RELN: variants seen among roughly 807,000 people sequenced by gnomAD.
RELN encodes reelin.
In RELN, 108 loss-of-function variants were observed where a neutral mutation model predicts 427.6. The observed-to-expected ratio is 0.25, with a 90% confidence interval of 0.22 to 0.30. RELN has a LOEUF of 0.30. Among genes scored for constraint, RELN ranks in the 10% least tolerant of loss-of-function variants. The probability of loss-of-function intolerance (pLI) is 1.00; values close to 1 mark genes in which losing one functional copy is unlikely to be tolerated. For synonymous variants in RELN, 1,524 were observed against 1,513.4 expected (o/e 1.01, Z -0.16); for missense variants, 3,715 against 4,302.8 (o/e 0.86, Z 3.82).
chr7:103,947,764 G>A (rs751488205), intron 1 of RELN, among the ~76,000 whole-genome samples: 6 of 152,130 alleles, frequency 3.9e-5, no homozygotes, highest in Admixed American at 1.3e-4. Context: ...ATTTCCCAGT[G>A]CAGCTGCAAT....
At chr7:103,653,206 G>A (rs951982788) in intron 13 of RELN, among the ~76,000 whole-genome samples, 5 of 152,070 alleles carry the variant, frequency 3.3e-5, no homozygotes, top group African/African-American at 4.8e-5. Context: ...GAGCCAATGA[G>A]TCAATGCATT....
In RELN at chr7:103,598,110, A is replaced by T. The variant is rs80298312; in HGVS notation, c.3334-1449T>A. On this transcript the variant is annotated intron_variant, in intron 24 of 64. Coordinates refer to ENST00000428762, the MANE Select transcript of RELN (RefSeq NM_005045.4). The stretch of plus-strand genomic sequence containing the variant: ...TTAAGAAAGGGTTTCGGTTATTAGA[A>T]GTCACAGGGGAAATAACTGGGGTTA... Among the ~76,000 whole-genome samples the T allele has an allele frequency of 7.9e-3, 1,200 of 152,322 alleles. 26 individuals carry two copies. The highest frequency in any genetic ancestry group is 0.028 in the African/African-American group (1,146 of 41,580).
chr7:103,743,511 G>T (rs1470309958), intron 6 of RELN, among the ~76,000 whole-genome samples: 2 of 152,144 alleles, frequency 1.3e-5, no homozygotes, highest in Non-Finnish European at 2.9e-5. Flanking sequence ...CTGTATTCAG[G>T]AAACCCATCT....
At chr7:103,867,908 G>A (rs1794238407) in intron 2 of RELN, among the ~76,000 whole-genome samples, 4 of 152,072 alleles carry the variant, frequency 2.6e-5, no homozygotes, top group African/African-American at 9.6e-5. Flanking sequence ...CCCAGGCAAC[G>A]CTGTGAAGTC....
rs1451685717 is a variant in RELN at position 103,545,320 on chromosome 7, C to G, written c.6327G>C (p.Gln2109His). The G allele has an allele frequency of 1.2e-6, 2 of 1,613,750 alleles. No homozygotes were observed. The highest frequency in any genetic ancestry group is 1.7e-6 in the Non-Finnish European group (2 of 1,179,664). ...GCTGAGAGCCGGCAGGGTAAAATCCCTGGTACCATCTGAAACGGACAGATC... is the reference window on the plus strand; with the variant it reads ...GCTGAGAGCCGGCAGGGTAAAATCCGTGGTACCATCTGAAACGGACAGATC... ...LCGSVRFRWY[Q>H]GFYPAGSQPV... Residue 2109 changes from glutamine (Q) to histidine (H), a missense_variant, in exon 42 of 65, where the codon CAG (glutamine) becomes CAC (histidine). Coordinates refer to ENST00000428762, the MANE Select transcript of RELN (RefSeq NM_005045.4).
At chr7:103,712,303 G>T (rs916603) in intron 8 of RELN, among the ~76,000 whole-genome samples, 90,759 of 152,004 alleles carry the variant, frequency 0.6, 27,839 homozygotes, top group African/African-American at 0.74. Context: ...AACTTTGTCT[G>T]TTCTTTCCAT....
chr7:103,727,798 T>C (rs3213611), intron 7 of RELN, among the ~76,000 whole-genome samples: 23,221 of 152,112 alleles, frequency 0.15, 2,010 homozygotes, highest in East Asian at 0.3. Context: ...ATAGAAGAAC[T>C]TAGAAGGTCA....
rs546476714 is a variant in RELN at position 103,789,995 on chromosome 7, T to C, written c.474-13368A>G. Among the ~76,000 whole-genome samples, 3 of 152,324 alleles carry C rather than the reference T, an allele frequency of 2.0e-5. No individual in the cohort carries two copies. The South Asian group carries it at 6.2e-4, about 32-fold the overall frequency. ...GTGGGACATATACACCACACAATGCTATGTAGCCATAAAAAAGAATGAGTT... is the reference window on the plus strand; with the variant it reads ...GTGGGACATATACACCACACAATGCCATGTAGCCATAAAAAAGAATGAGTT... On this transcript the variant is annotated intron_variant, in intron 3 of 64. Transcript: ENST00000428762.
intron 46 of RELN, among the ~76,000 whole-genome samples, chr7:103,530,316 T>C (rs1268722664): frequency 1.3e-5 from 2 of 152,250 alleles, no homozygotes; most frequent in African/African-American, 2.4e-5. Flanking sequence ...TCTTGATGTA[T>C]GTAACGGAGA....
chr7:103,644,988 G>GA (rs956354745), intron 16 of RELN, among the ~76,000 whole-genome samples: 5 of 151,454 alleles, frequency 3.3e-5, no homozygotes, highest in Non-Finnish European at 7.4e-5. Context: ...GGTTTCTAAA[G>GA]AAAAAAACTA....
intron 2 of RELN, among the ~76,000 whole-genome samples, chr7:103,904,705 C>A (rs890213376): frequency 6.6e-6 from 1 of 152,074 alleles, no homozygotes; most frequent in African/African-American, 2.4e-5. Flanking sequence ...TTAACAAATG[C>A]TTATCATTTT....
intron 1 of RELN, among the ~76,000 whole-genome samples, chr7:103,963,024 C>A (rs1278701645): frequency 6.6e-6 from 1 of 152,022 alleles, no homozygotes; most frequent in African/African-American, 2.4e-5. Flanking sequence ...AAGGAAACAC[C>A]AAGAACAGGA....
At chr7:103,498,277 G>A in intron 53 of RELN, 25 bp from the exon 54 acceptor site, 2 of 1,605,130 alleles carry the variant, frequency 1.2e-6, no homozygotes, top group African/African-American at 1.3e-5. Flanking sequence ...AGCCAGATGT[G>A]GTTAAAAAAA....
intron 12 of RELN, among the ~76,000 whole-genome samples, chr7:103,658,856 C>T (rs1833077532): frequency 6.6e-6 from 1 of 151,788 alleles, no homozygotes; most frequent in African/African-American, 2.4e-5. Context: ...CATCTCCCTG[C>T]CATTACCCCC....
At chr7:103,926,627 G>GTTTTTTTTTTTTTTTTTTTTTTTTT (rs60259062) in intron 1 of RELN, among the ~76,000 whole-genome samples, 1 of 99,462 alleles carries the variant, frequency 1.0e-5, no homozygotes, top group Non-Finnish European at 2.0e-5. Context: ...AGTATCATAA[G>GTTTTTTTTTTTTTTTTTTTTTTTTT]TTTTTTTTTT....
intron 6 of RELN, among the ~76,000 whole-genome samples, chr7:103,730,137 C>G (rs1018323098): frequency 5.3e-5 from 8 of 151,974 alleles, no homozygotes; most frequent in African/African-American, 1.4e-4. Flanking sequence ...AAAGAATGTT[C>G]AAACCTCACA....
At position 103,565,411 on chromosome 7, in the gene RELN, C is replaced by T. The variant is rs1487716758; in HGVS notation, c.5077G>A (p.Asp1693Asn). Residue 1693 changes from aspartate to asparagine, a missense_variant, in exon 34 of 65, where the codon GAC (aspartate) becomes AAC (asparagine). Physicochemically the swap from Asp to Asn is conservative, Grantham distance 23. This residue lies in a region of RELN where 2,208 missense variants were observed against 2,361.7 expected (regional missense o/e 0.93). Coordinates refer to ENST00000428762, the MANE Select transcript of RELN (RefSeq NM_005045.4). ...QLQYSLNNGK[D>N]WHLVTEECVP... Reference sequence around the variant, plus strand: ...CACTCTTCGGTGACAAGATGCCAGTCCTTGCCATTGTTCAGAGAATACTGG... The same window carrying T: ...CACTCTTCGGTGACAAGATGCCAGTTCTTGCCATTGTTCAGAGAATACTGG... 6.2e-7 allele frequency: 1 copy of T among 1,614,092 alleles called. No homozygotes were observed. Among genetic ancestry groups the T allele is most frequent in the Admixed American group, 1.7e-5 (1 of 59,982 alleles).
chr7:103,656,457 C>T (rs1470943566), intron 12 of RELN, among the ~76,000 whole-genome samples: 1 of 148,910 alleles, frequency 6.7e-6, no homozygotes, highest in Non-Finnish European at 1.5e-5. Flanking sequence ...TCTAGCTGAG[C>T]CAGGGAAGGA....
chr7:103,558,211 T>A (rs1376797193), intron 36 of RELN, among the ~76,000 whole-genome samples, 162 bp from the exon 37 acceptor site: 2 of 152,218 alleles, frequency 1.3e-5, no homozygotes, highest in East Asian at 3.8e-4. Context: ...TGATCCTTGT[T>A]TCCCCTCTCT....
Sources: gnomAD v4.1 joint callset for allele counts (sites outside exome capture counted in the v4.1 genomes callset) on GRCh38, gnomAD v4.1.1 for gene constraint, gnomAD v4.1.1 regional missense constraint, MANE v1.5 for transcripts, NCBI Gene and HGNC (gene_info 2026-07-23, HGNC 2026-07-21) for gene names.